CABCOCO1: variants seen among roughly 807,000 people sequenced by gnomAD.
CABCOCO1 encodes the protein ciliary associated calcium binding coiled-coil 1.
Under a neutral mutation model 35.7 loss-of-function variants are expected in CABCOCO1, and 28 were observed. The observed-to-expected ratio is 0.78, with a 90% CI of 0.58 to 1.07. CABCOCO1 has a LOEUF of 1.07. Among genes scored for constraint, CABCOCO1 ranks in the 50% least tolerant of loss-of-function variants. The pLI is 0.00. For missense variants in CABCOCO1, 326 were observed against 309.2 expected (o/e 1.05, Z -0.41); for synonymous variants, 95 against 100.1 (o/e 0.95, Z 0.30).
At chr10:61,698,499 C>T (rs1352927634) in intron 5 of CABCOCO1, among the ~76,000 whole-genome samples, 2 of 152,070 alleles carry the variant, frequency 1.3e-5, no homozygotes, top group East Asian at 1.9e-4. Flanking sequence ...ATAAATATGC[C>T]TAAGTGCTTA....
intron 5 of CABCOCO1, among the ~76,000 whole-genome samples, chr10:61,701,491 C>T (rs557847634): frequency 5.3e-5 from 8 of 152,206 alleles, no homozygotes; most frequent in African/African-American, 4.8e-5. Flanking sequence ...GATAACAATA[C>T]GACCTAGAAA....
chr10:61,748,902 G>A (rs980441834), intron 5 of CABCOCO1, among the ~76,000 whole-genome samples: 3 of 152,024 alleles, frequency 2.0e-5, no homozygotes, highest in Non-Finnish European at 4.4e-5. Flanking sequence ...AAATGGATGG[G>A]TCTGATCAGG....
At chr10:61,744,672 C>T (rs2132072356) in intron 5 of CABCOCO1, among the ~76,000 whole-genome samples, 1 of 152,232 alleles carries the variant, frequency 6.6e-6, no homozygotes, top group East Asian at 1.9e-4. Context: ...ATCAGCCCTC[C>T]TCACACTAGG....
Position 61,720,505 on chromosome 10 carries a change from C to T in CABCOCO1, c.552+29884C>T, listed in dbSNP as rs1371850125. ...CCAGGTAATGTTTTTAAAAAATCTA[C>T]TTGTCACAATCTAGCCAATATACAG... On this transcript the variant is annotated intron_variant, in intron 5 of 7. Coordinates refer to ENST00000648843, the MANE Select transcript of CABCOCO1 (RefSeq NM_001366906.2). Among the ~76,000 whole-genome samples the T allele has an allele frequency of 2.6e-5, 4 of 152,188 alleles. No homozygotes were observed. The East Asian group carries it at 5.8e-4, about 22-fold the overall frequency.
At chr10:61,739,786 C>T (rs185646437) in intron 5 of CABCOCO1, among the ~76,000 whole-genome samples, 4 of 151,916 alleles carry the variant, frequency 2.6e-5, no homozygotes, top group East Asian at 1.9e-4. Flanking sequence ...ACTAAAAATA[C>T]GAAAATTTAG....
intron 2 of CABCOCO1, among the ~76,000 whole-genome samples, chr10:61,675,053 T>C (rs1261366436): frequency 6.6e-6 from 1 of 152,208 alleles, no homozygotes; most frequent in African/African-American, 2.4e-5. Context: ...CACCCCATTG[T>C]CAAGAACATG....
At chr10:61,684,242 C>G (rs1839887599) in intron 3 of CABCOCO1, among the ~76,000 whole-genome samples, 1 of 152,132 alleles carries the variant, frequency 6.6e-6, no homozygotes. Flanking sequence ...GGAAACGAAC[C>G]AATTGTAATT....
At chr10:61,693,978 C>G (rs1318087787) in intron 5 of CABCOCO1, among the ~76,000 whole-genome samples, 1 of 151,874 alleles carries the variant, frequency 6.6e-6, no homozygotes, top group African/African-American at 2.4e-5. Flanking sequence ...AAAACCAAAC[C>G]ACAAACACAA....
intron 5 of CABCOCO1, among the ~76,000 whole-genome samples, chr10:61,727,279 A>G (rs1841179355): frequency 6.6e-6 from 1 of 152,180 alleles, no homozygotes; most frequent in South Asian, 2.1e-4. Flanking sequence ...TACCTACACT[A>G]ATAAAACTGG....
chr10:61,669,020 G>GGAAAAAAAAAAAAAAAA (rs1455258314), intron 1 of CABCOCO1, among the ~76,000 whole-genome samples: 15 of 102,504 alleles, frequency 1.5e-4, no homozygotes, highest in South Asian at 1.2e-3. Context: ...AAGGGTTGGG[G>GGAAAAAAAAAAAAAAAA]AAAAAAAAAA....
intron 7 of CABCOCO1, 101 bp downstream of exon 7, chr10:61,761,104 G>T (rs1035383826): frequency 1.6e-6 from 2 of 1,251,002 alleles, no homozygotes; most frequent in East Asian, 4.9e-5. Flanking sequence ...CAGCATGAGC[G>T]ATGCTTATGA....
chr10:61,697,300 G>A (rs140135679), intron 5 of CABCOCO1, among the ~76,000 whole-genome samples: 2 of 152,116 alleles, frequency 1.3e-5, no homozygotes, highest in African/African-American at 2.4e-5. Flanking sequence ...AATACTTGTT[G>A]TGTACATTCA....
chr10:61,764,122 G>A (rs1248959903), intron 7 of CABCOCO1, among the ~76,000 whole-genome samples: 3 of 151,972 alleles, frequency 2.0e-5, no homozygotes, highest in Non-Finnish European at 4.4e-5. Context: ...ATCCCTATGT[G>A]GTAGTGAAAC....
At chr10:61,751,903 A>C (rs1308106057) in intron 5 of CABCOCO1, among the ~76,000 whole-genome samples, 1 of 152,212 alleles carries the variant, frequency 6.6e-6, no homozygotes, top group Non-Finnish European at 1.5e-5. Flanking sequence ...TCAAATCTGG[A>C]ATCAAGATAC....
chr10:61,694,191 G>C (rs1272988590), intron 5 of CABCOCO1, among the ~76,000 whole-genome samples: 1 of 150,630 alleles, frequency 6.6e-6, no homozygotes, highest in Non-Finnish European at 1.5e-5. Flanking sequence ...AGAGAAAGAG[G>C]AAAGCAGGAG....
chr10:61,753,801 G>T (rs775792637), intron 5 of CABCOCO1, among the ~76,000 whole-genome samples: 6 of 152,084 alleles, frequency 3.9e-5, no homozygotes, highest in African/African-American at 4.8e-5. Flanking sequence ...AAGAGAAGTT[G>T]TTTGGGACCA....
chr10:61,668,270 A>G (rs1189382303), intron 1 of CABCOCO1, among the ~76,000 whole-genome samples: 1 of 151,918 alleles, frequency 6.6e-6, no homozygotes, highest in African/African-American at 2.4e-5. Context: ...TTTAATTATA[A>G]TTTTTACATC....
intron 5 of CABCOCO1, among the ~76,000 whole-genome samples, chr10:61,754,934 T>G (rs1841866545): frequency 1.3e-5 from 2 of 152,278 alleles, no homozygotes; most frequent in African/African-American, 2.4e-5. Flanking sequence ...GGCAACATTT[T>G]GAACCTTTTC....
chr10:61,705,203 C>T lies in CABCOCO1; in HGVS notation c.552+14582C>T, dbSNP rs191470456. 5.3e-5 allele frequency among the ~76,000 whole-genome samples: 8 copies of T among 152,230 alleles called. No homozygotes were observed. In the East Asian group the frequency reaches 1.5e-3, roughly 29 times the overall value. ...CCTGAGCGAGACAGACATTGGACTC[C>T]CTGTACTCTTTGGCTTCTGGAACAG... On this transcript the variant is annotated intron_variant, in intron 5 of 7. Coordinates refer to ENST00000648843, the MANE Select transcript of CABCOCO1 (RefSeq NM_001366906.2).
Sources: gnomAD v4.1 joint callset for allele counts (sites outside exome capture counted in the v4.1 genomes callset) on GRCh38, gnomAD v4.1.1 for gene constraint, MANE v1.5 for transcripts, NCBI Gene and HGNC (gene_info 2026-07-23, HGNC 2026-07-21) for gene names.